Variants in FAM78B observed in about 807,000 individuals in gnomAD.
FAM78B encodes protein FAM78B.
A neutral mutation model predicts 20.0 loss-of-function variants in FAM78B; 10 were observed. The observed-to-expected ratio is 0.50, with a 90% CI of 0.31 to 0.85. The LOEUF (loss-of-function observed/expected upper bound fraction) is 0.85, where lower values mean the gene tolerates loss of function less well. Among genes scored for constraint, FAM78B ranks in the 40% least tolerant of loss-of-function variants. The pLI is 0.05. For missense variants in FAM78B, 283 were observed against 345.0 expected, an observed-to-expected ratio of 0.82 and a Z score of 1.42; for synonymous variants, 135 against 132.8, an observed-to-expected ratio of 1.02 and a Z score of -0.12.
intron 1 of FAM78B, among the ~76,000 whole-genome samples, chr1:166,090,408 A>C (rs1653020652): frequency 6.6e-6 from 1 of 152,184 alleles, no homozygotes; most frequent in African/African-American, 2.4e-5. Context: ...CTTACTCAAC[A>C]GGAAGACTAG....
At chr1:166,137,844 T>C (rs779737852) in intron 1 of FAM78B, among the ~76,000 whole-genome samples, 2 of 152,200 alleles carry the variant, frequency 1.3e-5, no homozygotes, top group Non-Finnish European at 2.9e-5. Flanking sequence ...AATTGCTCCA[T>C]ACCTGCAGGC....
At chr1:166,143,506 C>T (rs147074270) in intron 1 of FAM78B, among the ~76,000 whole-genome samples, 98 of 152,156 alleles carry the variant, frequency 6.4e-4, no homozygotes, top group African/African-American at 2.2e-3. Context: ...CTTGCTAAGG[C>T]GTGTAAATTT....
At chr1:166,112,331 G>A (rs899132058) in intron 1 of FAM78B, among the ~76,000 whole-genome samples, 1 of 152,164 alleles carries the variant, frequency 6.6e-6, no homozygotes, top group African/African-American at 2.4e-5. Flanking sequence ...AAGCCCAGCC[G>A]TTTTCATTTC....
intron 1 of FAM78B, among the ~76,000 whole-genome samples, chr1:166,081,861 C>T (rs566537823): frequency 4.6e-5 from 7 of 152,282 alleles, no homozygotes; most frequent in South Asian, 2.1e-4. Flanking sequence ...TTCCAGGTGG[C>T]GAGCACAGAG....
chr1:166,166,217 G>A lies in FAM78B; in HGVS notation c.32C>T (p.Ala11Val). The A allele has an allele frequency of 6.4e-7, 1 of 1,557,560 alleles. No homozygotes were observed. Among genetic ancestry groups the A allele is most frequent in the South Asian group, 1.2e-5 (1 of 83,060 alleles). The change falls in exon 1 of 2, where the codon GCG becomes GTG. Residue 11 changes from alanine to valine, a missense_variant. Coordinates refer to ENST00000354422, the MANE Select transcript of FAM78B (RefSeq NM_001017961.5). Reference sequence around the variant, plus strand: ...CACGATGTTCTCGCGCCGGATCCGCGCCTTGCAGGTGATGCTTTGGATACA... The same window carrying A: ...CACGATGTTCTCGCGCCGGATCCGCACCTTGCAGGTGATGCTTTGGATACA... MGCIQSITCK[A>V]RIRRENIVVY... is the part of the protein sequence containing the mutation.
At chr1:166,060,589 C>G in exon 3 of FAM78B, 1 of 1,288,788 alleles carries the variant, frequency 7.8e-7, no homozygotes, top group Non-Finnish European at 1.0e-6. Flanking sequence ...AGCCGCCAGC[C>G]ATTGCTCACT....
chr1:166,096,201 T>A (rs74413339), intron 1 of FAM78B, among the ~76,000 whole-genome samples: 2,553 of 152,324 alleles, frequency 0.017, 78 homozygotes, highest in African/African-American at 0.058. Flanking sequence ...TCATCTTGAC[T>A]TGCTTTGACT....
intron 1 of FAM78B, among the ~76,000 whole-genome samples, chr1:166,158,730 G>A (rs1175935580): frequency 6.6e-6 from 1 of 152,194 alleles, no homozygotes; most frequent in Non-Finnish European, 1.5e-5. Flanking sequence ...AGAATAAGAG[G>A]CAACTTGCCT....
intron 1 of FAM78B, among the ~76,000 whole-genome samples, chr1:166,078,717 A>T (rs1232430496): frequency 6.6e-6 from 1 of 152,044 alleles, no homozygotes; most frequent in East Asian, 1.9e-4. Context: ...AGAGGCTGGC[A>T]GCAACATTCT....
intron 1 of FAM78B, among the ~76,000 whole-genome samples, chr1:166,093,929 C>T (rs939992558): frequency 6.1e-5 from 9 of 147,848 alleles, no homozygotes; most frequent in East Asian, 4.0e-4. Flanking sequence ...GGATCAATGA[C>T]GGTGCACGGG....
intron 1 of FAM78B, among the ~76,000 whole-genome samples, chr1:166,147,139 C>G (rs1282727039): frequency 6.6e-6 from 1 of 152,126 alleles, no homozygotes; most frequent in Non-Finnish European, 1.5e-5. Flanking sequence ...GAACAAAGTT[C>G]AGCTTAGTAA....
chr1:166,132,728 T>C (rs1654919467), intron 1 of FAM78B, among the ~76,000 whole-genome samples: 1 of 152,198 alleles, frequency 6.6e-6, no homozygotes, highest in East Asian at 1.9e-4. Flanking sequence ...CTTCTAGTTG[T>C]TTTCTGTGAG....
At chr1:166,077,936 A>ATATAATTT (rs1652386851) in intron 1 of FAM78B, among the ~76,000 whole-genome samples, 7 of 9,784 alleles carry the variant, frequency 7.2e-4, no homozygotes, top group East Asian at 6.1e-3. Context: ...AATATATAAT[A>ATATAATTT]ATATATATAA....
chr1:166,084,238 C>CACACACACACACA (rs59324558), intron 1 of FAM78B, among the ~76,000 whole-genome samples: 1 of 62,908 alleles, frequency 1.6e-5, no homozygotes, highest in African/African-American at 4.8e-5. Context: ...CACACACACA[C>CACACACACACACA]TCTCTCTCTC....
At chr1:166,123,048 A>G (rs1052460912) in intron 1 of FAM78B, among the ~76,000 whole-genome samples, 1 of 152,246 alleles carries the variant, frequency 6.6e-6, no homozygotes, top group Non-Finnish European at 1.5e-5. Context: ...AGATAAATAC[A>G]TTTAAAAGAA....
chr1:166,116,232 A>T (rs1215373801), intron 1 of FAM78B, among the ~76,000 whole-genome samples: 1 of 152,176 alleles, frequency 6.6e-6, no homozygotes, highest in Non-Finnish European at 1.5e-5. Context: ...ACATGTGTGC[A>T]GACTCCTGTT....
At chr1:166,124,305 T>C (rs866410865) in intron 1 of FAM78B, among the ~76,000 whole-genome samples, 1 of 152,226 alleles carries the variant, frequency 6.6e-6, no homozygotes, top group Non-Finnish European at 1.5e-5. Context: ...TTGCTTCTTT[T>C]TGGGCTCTCA....
At chr1:166,111,516 T>C (rs1654058155) in intron 1 of FAM78B, among the ~76,000 whole-genome samples, 1 of 152,258 alleles carries the variant, frequency 6.6e-6, no homozygotes, top group African/African-American at 2.4e-5. Context: ...GACAGTGTCC[T>C]TGCTGTGCTT....
At chr1:166,101,858 A>C (rs901965929) in intron 1 of FAM78B, among the ~76,000 whole-genome samples, 4 of 152,140 alleles carry the variant, frequency 2.6e-5, no homozygotes, top group South Asian at 2.1e-4. Context: ...AATACAGAGA[A>C]CACCACAAAG....
Sources: gnomAD v4.1 joint callset for allele counts (sites outside exome capture counted in the v4.1 genomes callset) on GRCh38, gnomAD v4.1.1 for gene constraint, MANE v1.5 for transcripts, NCBI Gene and HGNC (gene_info 2026-07-23, HGNC 2026-07-21) for gene names.